The following ENO4 variants were observed in gnomAD, a reference collection of about 807,000 sequenced individuals.
The protein encoded by ENO4 is 2-phospho-D-glycerate hydro-lyase.
Under a neutral mutation model 63.2 loss-of-function variants are expected in ENO4, and 53 were observed. The ratio of observed to expected loss-of-function variants is 0.84; its 90% CI spans 0.67 to 1.05. The LOEUF (loss-of-function observed/expected upper bound fraction) is 1.05, where lower values mean the gene tolerates loss of function less well. Among genes scored for constraint, ENO4 ranks in the 50% least tolerant of loss-of-function variants. The pLI, the probability that ENO4 is intolerant of heterozygous loss-of-function variation, is 0.00. For synonymous variants in ENO4, 266 were observed against 283.8 expected, an observed-to-expected ratio of 0.94 and a Z score of 0.63; for missense variants, 719 against 772.0, an observed-to-expected ratio of 0.93 and a Z score of 0.81.
chr10:116,900,631 C>T, intron 10 of ENO4: 1 of 1,520,852 alleles, frequency 6.6e-7, no homozygotes, highest in Admixed American at 2.0e-5. Context: ...GCTTTTGTGT[C>T]TGGATATTGG....
intron 11 of ENO4, among the ~76,000 whole-genome samples, chr10:116,877,688 T>A (rs1196462940): frequency 6.6e-6 from 1 of 152,068 alleles, no homozygotes; most frequent in Non-Finnish European, 1.5e-5. Context: ...GCAATGGGGA[T>A]CAGGGGATGA....
rs1846885178 is a variant in ENO4 at position 116,877,993 on chromosome 10, C to T, written c.1538-1298C>T. The stretch of plus-strand genomic sequence containing the variant: ...GCTCTGACATACTTGGCTCTGCATC[C>T]TTCAGGTCTTGGCTAAAATGAAATG... On this transcript the variant is annotated intron_variant, in intron 11 of 13. Coordinates refer to ENST00000341276, the MANE Select transcript of ENO4 (RefSeq NM_001242699.2). 2.0e-5 allele frequency among the ~76,000 whole-genome samples: 3 copies of T among 152,192 alleles called. No homozygotes were observed. In the South Asian group the frequency reaches 6.2e-4, roughly 32 times the overall value.
At chr10:116,907,675 A>C (rs1218396453) in intron 10 of ENO4, among the ~76,000 whole-genome samples, 1 of 152,186 alleles carries the variant, frequency 6.6e-6, no homozygotes, top group Non-Finnish European at 1.5e-5. Context: ...ATTTCTTAGA[A>C]ACGGTCCTTC....
At chr10:116,898,129 A>AGG (rs1847586948) in intron 10 of ENO4, among the ~76,000 whole-genome samples, 1 of 152,088 alleles carries the variant, frequency 6.6e-6, no homozygotes, top group East Asian at 1.9e-4. Flanking sequence ...GGAGTTCAAG[A>AGG]CCAGCCTGAC....
chr10:116,887,942 G>T (rs149370754), intron 10 of ENO4, among the ~76,000 whole-genome samples: 52 of 152,218 alleles, frequency 3.4e-4, no homozygotes, highest in African/African-American at 1.2e-3. Flanking sequence ...TGCATGACCC[G>T]GTCACGGGCA....
chr10:116,873,780 T>A (rs1483020621), intron 9 of ENO4: 13 of 749,918 alleles, frequency 1.7e-5, no homozygotes, highest in Non-Finnish European at 1.5e-5. Flanking sequence ...CAGCCAAGTC[T>A]AACAGATTAT....
At chr10:116,906,644 G>A in intron 10 of ENO4, 1 of 1,613,114 alleles carries the variant, frequency 6.2e-7, no homozygotes, top group Non-Finnish European at 8.5e-7. Context: ...ATCTGCTTCT[G>A]CTGTCACCTT....
At position 116,859,061 on chromosome 10, in the gene ENO4, C is replaced by T; in HGVS notation, c.557C>T (p.Thr186Ile). ...TTGGAAAAGAGCCTGGAATACTCAA[C>T]AGTGCCTACACCTCTACCTCCAGTA... Reference protein sequence around the residue: ...KELEKSLEYSTVPTPLPPVPP... With the variant: ...KELEKSLEYSIVPTPLPPVPP... Residue 186 changes from threonine to isoleucine, a missense_variant, in exon 4 of 14, where the codon ACA becomes ATA. Transcript: ENST00000341276. 6.5e-7 allele frequency: 1 copy of T among 1,535,746 alleles called. No homozygotes were observed.
downstream of ENO4, chr10:116,886,089 T>C: frequency 2.0e-6 from 1 of 506,210 alleles, no homozygotes; most frequent in Non-Finnish European, 3.4e-6. Context: ...AAAGAAGTCA[T>C]ACTTAATACA....
downstream of ENO4, among the ~76,000 whole-genome samples, chr10:116,887,467 G>C (rs1847202329): frequency 6.6e-6 from 1 of 152,110 alleles, no homozygotes; most frequent in African/African-American, 2.4e-5. Flanking sequence ...TTGTCCCTGA[G>C]AACTGGCTGT....
chr10:116,894,193 G>T (rs1421938337), intron 10 of ENO4, among the ~76,000 whole-genome samples: 1 of 152,044 alleles, frequency 6.6e-6, no homozygotes, highest in African/African-American at 2.4e-5. Context: ...CAAACAAGAT[G>T]AACTCTTACA....
At chr10:116,856,447 T>G in intron 2 of ENO4, 45 bp from the exon 3 acceptor site, 1 of 1,461,146 alleles carries the variant, frequency 6.8e-7, no homozygotes, top group Non-Finnish European at 9.2e-7. Context: ...TTCCTCTTTC[T>G]GGGAGAGGTA....
At chr10:116,855,524 G>C (rs1846237155) in intron 1 of ENO4, 99 bp from the exon 2 acceptor site, 1 of 1,435,768 alleles carries the variant, frequency 7.0e-7, no homozygotes, top group African/African-American at 1.4e-5. Context: ...GAGTCAATGT[G>C]AATGACCTTT....
At chr10:116,862,910 C>A in intron 7 of ENO4, 58 bp downstream of exon 7, 2 of 1,117,552 alleles carry the variant, frequency 1.8e-6, no homozygotes, top group Non-Finnish European at 2.6e-6. Flanking sequence ...TTCTAGCATG[C>A]AACTTGTAGT....
chr10:116,864,476 A>C (rs1846501229), intron 7 of ENO4: 1 of 150,084 alleles, frequency 6.7e-6, no homozygotes, highest in South Asian at 2.1e-4. Flanking sequence ...ACTCCGTCTC[A>C]AAAAAAAAAA....
intron 10 of ENO4, among the ~76,000 whole-genome samples, chr10:116,898,742 AAAACAAAC>A (rs561646418): frequency 5.9e-5 from 9 of 152,084 alleles, no homozygotes; most frequent in Non-Finnish European, 7.4e-5. Flanking sequence ...TTTTTTCTTA[AAAACAAAC>A]AAACAAACAA....
chr10:116,894,928 C>T (rs1457676044), intron 10 of ENO4, among the ~76,000 whole-genome samples: 1 of 152,170 alleles, frequency 6.6e-6, no homozygotes, highest in East Asian at 1.9e-4. Context: ...GATCTGCTTA[C>T]CTCTTTCTCC....
chr10:116,857,467 T>A (rs1846296804), intron 3 of ENO4, among the ~76,000 whole-genome samples: 1 of 152,154 alleles, frequency 6.6e-6, no homozygotes, highest in Non-Finnish European at 1.5e-5. Flanking sequence ...TGTTCTTCAT[T>A]CCCCAACCAA....
intron 10 of ENO4, chr10:116,900,402 A>G (rs1847689502): frequency 1.3e-6 from 1 of 749,326 alleles, no homozygotes; most frequent in Admixed American, 2.3e-5. Flanking sequence ...TTTCACTGTC[A>G]ATTCAACACA....
Sources: allele counts gnomAD v4.1 joint callset (sites outside exome capture counted in the v4.1 genomes callset), GRCh38; gene constraint gnomAD v4.1.1; transcripts MANE v1.5; gene names NCBI Gene and HGNC (gene_info 2026-07-23, HGNC 2026-07-21).